Variants in LTBR observed in about 807,000 individuals in gnomAD.
LTBR encodes the protein lymphotoxin beta receptor.
Under a neutral mutation model 45.4 loss-of-function variants are expected in LTBR, and 15 were observed. That is an observed-to-expected ratio of 0.33 (90% CI 0.22 to 0.51). LTBR has a LOEUF of 0.51. Ranked by LOEUF, LTBR falls within the 20% of genes least tolerant of loss-of-function variation. The pLI is 0.97. For missense variants in LTBR, 450 were observed against 565.5 expected (o/e 0.80, Z 2.07); for synonymous variants, 228 against 231.0 (o/e 0.99, Z 0.12).
At position 6,388,680 on chromosome 12, in the gene LTBR, G is replaced by T; in HGVS notation, c.776-120G>T. The stretch of plus-strand genomic sequence containing the variant: ...GAGGCTGGAGATGAGAGTGACAGTG[G>T]CTTGTTCCTCTGGGCCCCCGGGTGG... On this transcript the variant is annotated intron_variant, in intron 7 of 9. Coordinates refer to ENST00000228918, the MANE Select transcript of LTBR (RefSeq NM_002342.3). The surrounding 1 kb of genome is among the most constrained non-coding windows in gnomAD (Gnocchi z 4.3). The T allele has an allele frequency of 7.8e-7, 1 of 1,276,406 alleles. No individual in the cohort carries two copies. Among genetic ancestry groups the T allele is most frequent in the Non-Finnish European group, 1.1e-6 (1 of 881,888 alleles). The allele number at this position is 1,276,406 out of a possible 1,614,324, so 79.1% of individuals were successfully genotyped here.
In LTBR at chr12:6,386,001, C is replaced by T; in HGVS notation, c.473-65C>T. 2 of 1,137,366 alleles carry T rather than the reference C, an allele frequency of 1.8e-6. No homozygotes were observed. Among genetic ancestry groups the T allele is most frequent in the Middle Eastern group, 2.0e-4 (1 of 5,060 alleles). The allele number at this position is 1,137,366 out of a possible 1,614,324, so 70.5% of individuals were successfully genotyped here. On this transcript the variant is annotated intron_variant, in intron 4 of 9. Coordinates refer to ENST00000228918, the MANE Select transcript of LTBR (RefSeq NM_002342.3). The surrounding 1 kb of genome is among the most constrained non-coding windows in gnomAD (Gnocchi z 4.1). ...CATCCTGAGGCTTAAAGGAAACTCA[C>T]AGGCCGGCAAAGGGCCCCTCCCTTT...
chr12:6,375,171 A>G, upstream of LTBR: 3 of 1,457,256 alleles, frequency 2.1e-6, no homozygotes, highest in Non-Finnish European at 2.7e-6. Context: ...TTCTTCCTCC[A>G]GGATCTGTGT....
At chr12:6,376,250 G>A (rs1242200518) in intron 1 of LTBR, 6 of 935,182 alleles carry the variant, frequency 6.4e-6, no homozygotes, top group Non-Finnish European at 7.7e-6. Context: ...CTGATTCCTC[G>A]CCACCCCCTC....
chr12:6,375,743 G>A (rs1289752889), intron 1 of LTBR: 3 of 1,415,080 alleles, frequency 2.1e-6, no homozygotes, highest in Non-Finnish European at 2.8e-6. Flanking sequence ...AGGCAAGGAG[G>A]CTGGGGGACA....
chr12:6,390,091 G>C lies in LTBR; in HGVS notation c.802-21G>C, dbSNP rs765050173. 5 of 1,558,162 alleles carry C rather than the reference G, an allele frequency of 3.2e-6. No homozygotes were observed. In the South Asian group the frequency reaches 5.6e-5, roughly 17 times the overall value. ...GTCTGGGGCCCTCATCATTGTTTGG[G>C]TCTCCATCTCTTTCCTGCAGGGAGA... On this transcript the variant is annotated intron_variant, in intron 8 of 9. Coordinates refer to ENST00000228918, the MANE Select transcript of LTBR (RefSeq NM_002342.3).
rs1228028087 is a variant in LTBR at position 6,384,404 on chromosome 12, C to A, written c.46C>A (p.Pro16Thr). 1.3e-6 allele frequency: 2 copies of A among 1,541,922 alleles called. No individual in the cohort carries two copies. The highest frequency in any genetic ancestry group is 1.7e-6 in the Non-Finnish European group (2 of 1,147,850). The part of the protein sequence containing the change: ...ATSAPGLAWG[P>T]LVLGLFGLLA... ...CTCTGCCCCCGGCCTGGCCTGGGGG[C>A]CTCTGGTGCTGGGCCTCTTCGGGCT... Residue 16 changes from proline to threonine, a missense_variant, in exon 1 of 10, where the codon CCT becomes ACT. Physicochemically the swap from Pro to Thr is conservative, Grantham distance 38. Transcript: ENST00000228918.
At position 6,390,140 on chromosome 12, in the gene LTBR, G is replaced by T; in HGVS notation, c.830G>T (p.Ser277Ile). ...GAGGGACCCAATCCTGTAGCTGGAA[G>T]CTGGGAGCCTCCGAAGGCCCATCCA... ...QGEGPNPVAG[S>I]WEPPKAHPYF... The change falls in exon 9 of 10, where the codon AGC becomes ATC. Residue 277 changes from serine to isoleucine, a missense_variant. By Grantham distance (142) the Ser-to-Ile change is moderately radical. This residue lies in a region of LTBR where 367 missense variants were observed against 435.4 expected (regional missense o/e 0.84). Transcript: ENST00000228918. The T allele has an allele frequency of 1.9e-6, 3 of 1,614,072 alleles. No homozygotes were observed. The highest frequency in any genetic ancestry group is 2.5e-6 in the Non-Finnish European group (3 of 1,180,008).
Position 6,386,014 on chromosome 12 carries a change from G to A in LTBR, c.473-52G>A. On this transcript the variant is annotated intron_variant, in intron 4 of 9. Coordinates refer to ENST00000228918, the MANE Select transcript of LTBR (RefSeq NM_002342.3). This position sits in a 1 kb window ranked among gnomAD's most constrained non-coding sequence, Gnocchi z 4.1. ...AAAGGAAACTCACAGGCCGGCAAAG[G>A]GCCCCTCCCTTTTGCCCATTCACCC... The A allele has an allele frequency of 1.5e-6, 2 of 1,300,098 alleles. No individual in the cohort carries two copies. Among genetic ancestry groups the A allele is most frequent in the Admixed American group, 3.4e-5 (2 of 59,250 alleles). 80.5% of individuals were successfully genotyped at this position (1,300,098 alleles called of 1,614,324 possible). A position where few individuals can be genotyped will look rare whatever the true frequency, so the allele number is the denominator to read the frequency against.
At chr12:6,380,373 A>G (rs185358650), upstream of LTBR, among the ~76,000 whole-genome samples, 524 of 152,300 alleles carry the variant, frequency 3.4e-3, 2 homozygotes, top group African/African-American at 0.012. Flanking sequence ...GAGAGAAAGA[A>G]AAAGTATTTA....
intron 1 of LTBR, among the ~76,000 whole-genome samples, chr12:6,379,073 C>T (rs1364997467): frequency 6.6e-6 from 1 of 152,180 alleles, no homozygotes; most frequent in African/African-American, 2.4e-5. Flanking sequence ...CCTATCTCTG[C>T]ACTTACCACT....
intron 1 of LTBR, chr12:6,377,105 G>A: frequency 1.6e-6 from 1 of 620,246 alleles, no homozygotes; most frequent in Admixed American, 3.1e-5. Context: ...CAAGCAAGGA[G>A]TTTAGCAGGC....
intron 1 of LTBR, chr12:6,375,829 G>A: frequency 7.4e-7 from 1 of 1,354,052 alleles, no homozygotes. Flanking sequence ...AACACAAGGA[G>A]AAGGGGCCAG....
chr12:6,390,556 AGGGGCG>A (rs1949101541), intron 9 of LTBR, 98 bp from the exon 10 acceptor site: 2 of 1,220,542 alleles, frequency 1.6e-6, no homozygotes, highest in African/African-American at 3.0e-5. Context: ...CAAGCAGGAG[AGGGGCG>A]GGGCCAGGGG....
Position 6,384,335 on chromosome 12 carries a change from T to C in LTBR, c.-24T>C, listed in dbSNP as rs1949013366. On this transcript the variant is annotated 5_prime_UTR_variant, in exon 1 of 10. Transcript: ENST00000228918. ...CCTTCCTCCCAGGCCCCCACGTTGC[T>C]GGCCGCCTGGCCGAGTGGCCGCCAT... 5.4e-6 allele frequency: 8 copies of C among 1,468,122 alleles called. No individual in the cohort carries two copies. Among genetic ancestry groups the C allele is most frequent in the Admixed American group, 2.6e-5 (1 of 38,690 alleles). The allele number at this position is 1,468,122 out of a possible 1,614,324, so 90.9% of individuals were successfully genotyped here.
At position 6,388,855 on chromosome 12, in the gene LTBR, A is replaced by G; in HGVS notation, c.801+30A>G. On this transcript the variant is annotated intron_variant, in intron 8 of 9. Transcript: ENST00000228918. The surrounding 1 kb of genome is among the most constrained non-coding windows in gnomAD (Gnocchi z 4.3). The stretch of plus-strand genomic sequence containing the variant: ...TGGCGGGGGCTGAGAAGGCAGCAAG[A>G]AGGGGAAGAGGTGATGAGGGTACAA... The G allele has an allele frequency of 6.2e-7, 1 of 1,613,806 alleles. No homozygotes were observed. Among genetic ancestry groups the G allele is most frequent in the South Asian group, 1.1e-5 (1 of 91,056 alleles).
upstream of LTBR, among the ~76,000 whole-genome samples, chr12:6,383,613 GA>G (rs1427230304): frequency 1.3e-5 from 2 of 152,198 alleles, no homozygotes; most frequent in Non-Finnish European, 2.9e-5. Flanking sequence ...TCTCCTAGGT[GA>G]CCTGTGCCCA....
In LTBR at chr12:6,384,470, G is replaced by T; in HGVS notation, c.96+16G>T. 1 of 1,566,642 alleles carries T rather than the reference G, an allele frequency of 6.4e-7. No homozygotes were observed. On this transcript the variant is annotated intron_variant, in intron 1 of 9. Transcript: ENST00000228918. ...GCCCCAGGCGGTGAGGAAGGGGCCTGGTAGGAGTGGGCGAGGGTGGGCAAG... is the reference window on the plus strand; with the variant it reads ...GCCCCAGGCGGTGAGGAAGGGGCCTTGTAGGAGTGGGCGAGGGTGGGCAAG...
In LTBR at chr12:6,388,337, C is replaced by A; in HGVS notation, c.668-61C>A. 8.0e-7 allele frequency: 1 copy of A among 1,247,950 alleles called. No individual in the cohort carries two copies. Among genetic ancestry groups the A allele is most frequent in the Non-Finnish European group, 1.2e-6 (1 of 850,828 alleles). The allele number at this position is 1,247,950 out of a possible 1,614,324, so 77.3% of individuals were successfully genotyped here. On this transcript the variant is annotated intron_variant, in intron 6 of 9. Transcript: ENST00000228918. The surrounding 1 kb of genome is among the most constrained non-coding windows in gnomAD (Gnocchi z 4.3). ...CCAGGGATCTGGAAAGCTCTTCCTTCTCCTCCTCCCCTCTGCCCTTCTTGG... is the reference window on the plus strand; with the variant it reads ...CCAGGGATCTGGAAAGCTCTTCCTTATCCTCCTCCCCTCTGCCCTTCTTGG...
chr12:6,387,957 T>G lies in LTBR; in HGVS notation c.668-441T>G, dbSNP rs1022714680. The G allele has an allele frequency of 9.9e-6, 4 of 402,330 alleles. No individual in the cohort carries two copies. The Admixed American group carries it at 1.1e-4, about 11-fold the overall frequency. 24.9% of individuals were successfully genotyped at this position (402,330 alleles called of 1,614,324 possible). A position where few individuals can be genotyped will look rare whatever the true frequency, so the allele number is the denominator to read the frequency against. Reference sequence around the variant, plus strand: ...CCTAGCTCCTCTACAGCAGCCCCTCTGTACAATGGCTGAGGCCACAGAAAT... The same window carrying G: ...CCTAGCTCCTCTACAGCAGCCCCTCGGTACAATGGCTGAGGCCACAGAAAT... On this transcript the variant is annotated intron_variant, in intron 6 of 9. Transcript: ENST00000228918.
Sources: allele counts gnomAD v4.1 joint callset (sites outside exome capture counted in the v4.1 genomes callset), GRCh38; gene constraint gnomAD v4.1.1; regional missense constraint gnomAD v4.1.1; non-coding constraint Gnocchi (gnomAD v3.1); transcripts MANE v1.5; gene names NCBI Gene and HGNC (gene_info 2026-07-23, HGNC 2026-07-21).